IPO5: variants seen among roughly 807,000 people sequenced by gnomAD.
IPO5 encodes importin 5, also known as importin-5.
In IPO5, 18 loss-of-function variants were observed where a neutral mutation model predicts 143.3. The ratio of observed to expected loss-of-function variants is 0.13; its 90% CI spans 0.09 to 0.19. IPO5 has a LOEUF of 0.19. IPO5 is among the 10% of genes least tolerant of loss of function. IPO5 has a pLI of 1.00. For missense variants in IPO5, 1,013 were observed against 1,336.9 expected (o/e 0.76, Z 3.78); for synonymous variants, 477 against 465.7 (o/e 1.02, Z -0.31).
intron 13 of IPO5, 152 bp downstream of exon 13, chr13:98,000,797 A>G (rs1050838720): frequency 3.7e-5 from 22 of 597,208 alleles, no homozygotes; most frequent in East Asian, 1.7e-4. Flanking sequence ...AAAATTGTCA[A>G]TCCCAAAGAA....
At chr13:97,964,492 GGCTGGAGT>G (rs1383505472) in intron 2 of IPO5, among the ~76,000 whole-genome samples, 1 of 137,562 alleles carries the variant, frequency 7.3e-6, no homozygotes, top group Non-Finnish European at 1.5e-5. Flanking sequence ...CTGTCACCCA[GGCTGGAGT>G]GCAGTGGCGC....
chr13:97,990,634 T>C, intron 9 of IPO5, 97 bp downstream of exon 9: 1 of 680,992 alleles, frequency 1.5e-6, no homozygotes, highest in Non-Finnish European at 2.4e-6. Context: ...CCTATTATGT[T>C]CTGGCGCTAG....
intron 11 of IPO5, among the ~76,000 whole-genome samples, chr13:97,994,244 G>T (rs966212765): frequency 7.9e-5 from 12 of 152,242 alleles, no homozygotes; most frequent in Admixed American, 2.0e-4. Context: ...GGAGGTGGAG[G>T]TTGCAGTGAG....
At chr13:97,969,687 A>G (rs772454519) in intron 2 of IPO5, 36 bp from the exon 3 acceptor site, 1 of 881,134 alleles carries the variant, frequency 1.1e-6, no homozygotes. Context: ...ATTAAGTACC[A>G]TCTAATGGTC....
chr13:98,019,844 C>A, intron 27 of IPO5, 35 bp downstream of exon 27: 1 of 1,385,196 alleles, frequency 7.2e-7, no homozygotes, highest in Non-Finnish European at 1.0e-6. Flanking sequence ...TTTCCTTCTC[C>A]TCCACAGTGC....
Position 98,017,589 on chromosome 13 carries a change from C to T in IPO5, c.2616+738C>T, listed in dbSNP as rs575459332. Among the ~76,000 whole-genome samples the T allele has an allele frequency of 1.8e-4, 27 of 152,170 alleles. 1 individual carries two copies. Among genetic ancestry groups the T allele is most frequent in the African/African-American group, 6.5e-4 (27 of 41,518 alleles). ...CTGGGATTACAGGCATGAGCCACTG[C>T]GCCCAGGCCTACGCTTCCTATTTTA... On this transcript the variant is annotated intron_variant, in intron 25 of 28. Coordinates refer to ENST00000651721, the MANE Select transcript of IPO5 (RefSeq NM_002271.6).
At chr13:98,006,749 C>T (rs1889290885) in intron 17 of IPO5, among the ~76,000 whole-genome samples, 1 of 151,826 alleles carries the variant, frequency 6.6e-6, no homozygotes, top group South Asian at 2.1e-4. Context: ...GGGATTTTTT[C>T]CTTCTGAAAA....
intron 6 of IPO5, 67 bp downstream of exon 6, chr13:97,985,680 T>A: frequency 1.1e-6 from 1 of 886,518 alleles, no homozygotes; most frequent in South Asian, 1.5e-5. Context: ...TTTTTTTTAA[T>A]GGAATCTTTT....
chr13:97,958,163 T>C (rs999622667), intron 2 of IPO5, among the ~76,000 whole-genome samples: 1 of 152,130 alleles, frequency 6.6e-6, no homozygotes, highest in Non-Finnish European at 1.5e-5. Flanking sequence ...TTGGCTCTCT[T>C]CTCTCTTCCC....
At chr13:97,971,265 C>T (rs1276921638) in intron 3 of IPO5, among the ~76,000 whole-genome samples, 1 of 152,206 alleles carries the variant, frequency 6.6e-6, no homozygotes, top group Non-Finnish European at 1.5e-5. Context: ...TACTGAGGGC[C>T]TATTGTGCAC....
chr13:97,990,605 A>G, intron 9 of IPO5, 68 bp downstream of exon 9: 1 of 854,974 alleles, frequency 1.2e-6, no homozygotes, highest in Admixed American at 2.6e-5. Flanking sequence ...TCAATCATTT[A>G]TGCAATAAAT....
At chr13:98,004,112 TTAC>T (rs1233954778) in intron 16 of IPO5, among the ~76,000 whole-genome samples, 1 of 152,144 alleles carries the variant, frequency 6.6e-6, no homozygotes, top group Non-Finnish European at 1.5e-5. Flanking sequence ...TGAAAATGGA[TTAC>T]TACTATAAAA....
chr13:97,959,852 T>C (rs1159139211), intron 2 of IPO5, among the ~76,000 whole-genome samples: 3 of 152,172 alleles, frequency 2.0e-5, no homozygotes, highest in East Asian at 3.9e-4. Flanking sequence ...AGTTTACTTG[T>C]TTATTATCTG....
chr13:98,013,942 A>T, intron 21 of IPO5, 100 bp from the exon 22 acceptor site: 1 of 934,318 alleles, frequency 1.1e-6, no homozygotes, highest in Non-Finnish European at 1.6e-6. Flanking sequence ...TGGGTATCTT[A>T]GATAAACAGA....
At chr13:98,002,307 G>A (rs2139771541) in intron 13 of IPO5, 160 bp from the exon 14 acceptor site, 7 of 559,800 alleles carry the variant, frequency 1.3e-5, no homozygotes, top group South Asian at 9.9e-5. Flanking sequence ...GAGCCACCGC[G>A]CCCGGCCTAT....
chr13:97,978,334 T>G (rs982003181), intron 4 of IPO5, among the ~76,000 whole-genome samples: 1 of 152,244 alleles, frequency 6.6e-6, no homozygotes, highest in African/African-American at 2.4e-5. Context: ...GAGGTTTTGG[T>G]CAGCTATAGA....
rs144167366 is a variant in IPO5 at position 97,973,393 on chromosome 13, C to T, written c.-4-3300C>T. 2.3e-4 allele frequency among the ~76,000 whole-genome samples: 35 copies of T among 152,278 alleles called. No individual in the cohort carries two copies. The East Asian group carries it at 6.4e-3, about 28-fold the overall frequency. ...GATACTCTTATAAACAATAAGGACA[C>T]TGTCTATGGGAAATGGGCTTCTAAG... is the stretch of plus-strand genomic sequence containing the variant. On this transcript the variant is annotated intron_variant, in intron 3 of 28. Coordinates refer to ENST00000651721, the MANE Select transcript of IPO5 (RefSeq NM_002271.6).
intron 2 of IPO5, among the ~76,000 whole-genome samples, chr13:97,967,134 C>T (rs998184984): frequency 6.6e-6 from 1 of 152,108 alleles, no homozygotes; most frequent in African/African-American, 2.4e-5. Context: ...TTTTGATTTG[C>T]GTTTTTCTAG....
At position 97,976,674 on chromosome 13, in the gene IPO5, C is replaced by G. The variant is rs778426599; in HGVS notation, c.-4-19C>G. ...CTCACGGCTCCTGTCTCCCCTCCCT[C>G]CTTCTCTCTCACGCCTAGCGCAATG... On this transcript the variant is annotated intron_variant, in intron 3 of 28. Transcript: ENST00000651721. The G allele has an allele frequency of 7.8e-6, 10 of 1,286,486 alleles. No individual in the cohort carries two copies. In the Middle Eastern group the frequency reaches 6.3e-4, roughly 81 times the overall value. The allele number at this position is 1,286,486 out of a possible 1,614,324, so 79.7% of individuals were successfully genotyped here. A position where few individuals can be genotyped will look rare whatever the true frequency, so the allele number is the denominator to read the frequency against.
Sources: allele counts gnomAD v4.1 joint callset (sites outside exome capture counted in the v4.1 genomes callset), GRCh38; gene constraint gnomAD v4.1.1; transcripts MANE v1.5; gene names NCBI Gene and HGNC (gene_info 2026-07-23, HGNC 2026-07-21).